TPGS2: variants seen among roughly 807,000 people sequenced by gnomAD.
TPGS2 encodes the protein polyglutamylase subunit 2.
A neutral mutation model predicts 31.1 loss-of-function variants in TPGS2; 26 were observed. That is an observed-to-expected ratio of 0.84 (90% CI 0.61 to 1.16). The LOEUF (loss-of-function observed/expected upper bound fraction) is 1.16, where lower values mean the gene tolerates loss of function less well. Ranked by LOEUF, TPGS2 falls within the 50% of genes most tolerant of loss-of-function variation. TPGS2 has a pLI of 0.00. For missense variants in TPGS2, 351 were observed against 363.8 expected, an observed-to-expected ratio of 0.96 and a Z score of 0.29; for synonymous variants, 130 against 136.6, an observed-to-expected ratio of 0.95 and a Z score of 0.34.
intron 2 of TPGS2, among the ~76,000 whole-genome samples, chr18:36,816,729 C>T (rs1256726940): frequency 6.6e-6 from 1 of 152,214 alleles, no homozygotes; most frequent in Non-Finnish European, 1.5e-5. Context: ...CTGCCTCAAC[C>T]TCCCAAGTAG....
chr18:36,781,783 C>T, downstream of TPGS2: 1 of 985,504 alleles, frequency 1.0e-6, no homozygotes, highest in Non-Finnish European at 1.2e-6. Context: ...CCCCTCTCTG[C>T]TCTAACCCCA....
intron 1 of TPGS2, among the ~76,000 whole-genome samples, chr18:36,823,621 C>T (rs1039362158): frequency 3.3e-5 from 5 of 150,952 alleles, no homozygotes; most frequent in African/African-American, 4.9e-5. Context: ...CTACCACGCC[C>T]GGCTAATTTT....
intron 1 of TPGS2, among the ~76,000 whole-genome samples, chr18:36,819,362 A>G (rs2045799762): frequency 6.6e-6 from 1 of 152,254 alleles, no homozygotes; most frequent in Non-Finnish European, 1.5e-5. Flanking sequence ...TTTATAAGAC[A>G]TAAAACTTGC....
At chr18:36,782,724 C>G (rs2044045385), downstream of TPGS2, among the ~76,000 whole-genome samples, 1 of 152,204 alleles carries the variant, frequency 6.6e-6, no homozygotes, top group Non-Finnish European at 1.5e-5. Flanking sequence ...CATGTTTGAG[C>G]AAAGCTGCCT....
At chr18:36,780,343 T>C (rs1188264250), downstream of TPGS2, among the ~76,000 whole-genome samples, 2 of 152,212 alleles carry the variant, frequency 1.3e-5, no homozygotes, top group Non-Finnish European at 1.5e-5. Context: ...CATCCTGATA[T>C]GGAAGCAAAA....
downstream of TPGS2, among the ~76,000 whole-genome samples, chr18:36,790,711 A>G (rs893616215): frequency 2.0e-5 from 3 of 152,214 alleles, no homozygotes; most frequent in African/African-American, 7.2e-5. Flanking sequence ...AGTAGTGACT[A>G]TCTTTTCATA....
At chr18:36,799,808 G>C (rs191094175) in intron 5 of TPGS2, among the ~76,000 whole-genome samples, 137 of 152,230 alleles carry the variant, frequency 9.0e-4, no homozygotes, top group Non-Finnish European at 1.7e-3. Flanking sequence ...GGGGTCTTTG[G>C]TCTAGTAATT....
chr18:36,795,916 G>C lies in TPGS2; in HGVS notation c.*889C>G, dbSNP rs2044505654. On this transcript the variant is annotated 3_prime_UTR_variant, in exon 7 of 7. Transcript: ENST00000334295. ...TAAAACTCTTTCTTTATGAAGAGTT[G>C]TGCAAAACAATGTTTGGGAATTTTT... The C allele has an allele frequency of 1.0e-6, 1 of 985,346 alleles. No individual in the cohort carries two copies. Among genetic ancestry groups the C allele is most frequent in the Admixed American group, 6.1e-5 (1 of 16,268 alleles). 61.0% of individuals were successfully genotyped at this position (985,346 alleles called of 1,614,324 possible). A position where few individuals can be genotyped will look rare whatever the true frequency, so the allele number is the denominator to read the frequency against.
At position 36,796,543 on chromosome 18, in the gene TPGS2, A is replaced by T; in HGVS notation, c.*262T>A. 7.9e-7 allele frequency: 1 copy of T among 1,273,718 alleles called. No individual in the cohort carries two copies. 78.9% of individuals were successfully genotyped at this position (1,273,718 alleles called of 1,614,324 possible). A position where few individuals can be genotyped will look rare whatever the true frequency, so the allele number is the denominator to read the frequency against. On this transcript the variant is annotated 3_prime_UTR_variant, in exon 7 of 7. Transcript: ENST00000334295. The stretch of plus-strand genomic sequence containing the variant: ...GATTGAGGGTTGAGTGTTGAAGAAG[A>T]GGAAAGCACTCAGACTTATTTGGGC...
chr18:36,787,646 C>T (rs2044171182), intron 6 of TPGS2, among the ~76,000 whole-genome samples: 1 of 152,182 alleles, frequency 6.6e-6, no homozygotes, highest in Admixed American at 6.5e-5. Flanking sequence ...CTTGATGATA[C>T]ACTTATTTAG....
Position 36,797,015 on chromosome 18 carries a change from G to GTT in TPGS2, c.691_692dup (p.Asn231LysfsTer14). ...CGGTCTCTTCTGTGAGCAGGTTTGT[G>GTT]TTGTAGGTGATAGGTTTATACATGC... On this transcript the variant is annotated frameshift_variant, in exon 7 of 7. Coordinates refer to ENST00000334295, the MANE Select transcript of TPGS2 (RefSeq NM_015476.4). LOFTEE classifies it high-confidence loss of function. 1 of 1,599,048 alleles carries GTT rather than the reference G, an allele frequency of 6.3e-7. No individual in the cohort carries two copies. Among genetic ancestry groups the GTT allele is most frequent in the South Asian group, 1.2e-5 (1 of 86,744 alleles).
At chr18:36,802,886 A>T (rs2044901321) in intron 4 of TPGS2, among the ~76,000 whole-genome samples, 1 of 152,160 alleles carries the variant, frequency 6.6e-6, no homozygotes, top group Non-Finnish European at 1.5e-5. Flanking sequence ...TCGGCCTCCC[A>T]AAGTGCTGGT....
At position 36,805,609 on chromosome 18, in the gene TPGS2, A is replaced by G. The variant is rs2045083479; in HGVS notation, c.254-107T>C. The G allele has an allele frequency of 2.1e-6, 3 of 1,443,410 alleles. No homozygotes were observed. The Admixed American group carries it at 5.4e-5, about 26-fold the overall frequency. 89.4% of individuals were successfully genotyped at this position (1,443,410 alleles called of 1,614,324 possible). ...CTAAGCCCAGGTATTGTTTCGCCCCATGGCTGACGAATCTGATGGAAGGTG... is the reference window on the plus strand; with the variant it reads ...CTAAGCCCAGGTATTGTTTCGCCCCGTGGCTGACGAATCTGATGGAAGGTG... On this transcript the variant is annotated intron_variant, in intron 3 of 6. Transcript: ENST00000334295.
At chr18:36,800,815 G>A (rs2044773814) in intron 4 of TPGS2, among the ~76,000 whole-genome samples, 1 of 151,444 alleles carries the variant, frequency 6.6e-6, no homozygotes, top group Admixed American at 6.6e-5. Context: ...TCAGCCTCCC[G>A]AGTAGCTGGG....
At chr18:36,780,025 T>C, downstream of TPGS2, 1 of 702,126 alleles carries the variant, frequency 1.4e-6, no homozygotes, top group Non-Finnish European at 2.0e-6. Flanking sequence ...TACACCATGT[T>C]TCAAATACTA....
intron 3 of TPGS2, among the ~76,000 whole-genome samples, chr18:36,807,182 T>G (rs2045193085): frequency 6.6e-6 from 1 of 152,096 alleles, no homozygotes; most frequent in Non-Finnish European, 1.5e-5. Flanking sequence ...TGGACAGGGT[T>G]TTCTAGACTA....
At chr18:36,782,849 T>C, downstream of TPGS2, 1 of 372,296 alleles carries the variant, frequency 2.7e-6, no homozygotes. Context: ...GTTTGAAAAA[T>C]GCCCAGTAAC....
rs1276854988 is a variant in TPGS2 at position 36,794,878 on chromosome 18, CA to C, written c.*1926del. ...ACACACACACACACACACACACACA[CA>C]CACGTTTAAATGACCACACTGAATT... On this transcript the variant is annotated 3_prime_UTR_variant, in exon 7 of 7. Coordinates refer to ENST00000334295, the MANE Select transcript of TPGS2 (RefSeq NM_015476.4). 3.1e-6 allele frequency: 3 copies of C among 974,364 alleles called. No homozygotes were observed. The highest frequency in any genetic ancestry group is 2.4e-6 in the Non-Finnish European group (2 of 825,606). 60.4% of individuals were successfully genotyped at this position (974,364 alleles called of 1,614,324 possible). A position where few individuals can be genotyped will look rare whatever the true frequency, so the allele number is the denominator to read the frequency against.
chr18:36,791,442 G>A (rs1357873541), downstream of TPGS2, among the ~76,000 whole-genome samples: 1 of 152,140 alleles, frequency 6.6e-6, no homozygotes, highest in African/African-American at 2.4e-5. Context: ...AGAACCCTGA[G>A]GTGGAGGTGG....
Sources: allele counts gnomAD v4.1 joint callset (sites outside exome capture counted in the v4.1 genomes callset), GRCh38; gene constraint gnomAD v4.1.1; transcripts MANE v1.5; gene names NCBI Gene and HGNC (gene_info 2026-07-23, HGNC 2026-07-21).